The following KLHL4 variants were observed in gnomAD, a reference collection of about 807,000 sequenced individuals.
KLHL4 encodes kelch-like protein 4.
KLHL4 carries 17 observed loss-of-function variants against 45.8 expected under a neutral mutation model. That is an observed-to-expected ratio of 0.37 (90% confidence interval 0.25 to 0.56). KLHL4 has a LOEUF of 0.56. KLHL4 is among the 20% of genes least tolerant of loss of function. The pLI is 0.79. For synonymous variants in KLHL4, 224 were observed against 189.9 expected (o/e 1.18, Z -1.47); for missense variants, 544 against 544.9 (o/e 1.00, Z 0.02).
intron 5 of KLHL4, among the ~76,000 whole-genome samples, chrX:87,624,969 A>G (rs1445433548): frequency 3.6e-5 from 4 of 112,162 alleles, no homozygotes; most frequent in Non-Finnish European, 7.5e-5. Context: ...CATGACCACC[A>G]CTACCAACAC....
intron 1 of KLHL4, among the ~76,000 whole-genome samples, chrX:87,608,230 C>A (rs1200596122): frequency 1.8e-5 from 2 of 112,256 alleles, no homozygotes; most frequent in African/African-American, 3.2e-5. Context: ...TTGATTACTA[C>A]AATACACTTG....
At chrX:87,586,143 C>T (rs1158263718) in intron 1 of KLHL4, among the ~76,000 whole-genome samples, 1 of 110,970 alleles carries the variant, frequency 9.0e-6, no homozygotes, top group East Asian at 2.8e-4. Flanking sequence ...ATTGTTAGAG[C>T]TTAAGAGAGA....
intron 9 of KLHL4, among the ~76,000 whole-genome samples, chrX:87,639,239 C>T (rs1159033960): frequency 1.8e-5 from 2 of 111,053 alleles, no homozygotes; most frequent in Admixed American, 1.9e-4. Flanking sequence ...GACAGCAACA[C>T]AATAATAGTG....
chrX:87,632,379 A>T lies in KLHL4; in HGVS notation c.1494A>T (p.Pro498=), dbSNP rs1299111258. ...KTLNTVECFN[P]VGKIWTVMPP... ...TGAATACAGTGGAATGTTTTAATCC[A>T]GTTGGCAAAATCTGGACTGTGATGC... Residue 498 remains proline (P), a synonymous_variant, in exon 7 of 11, where the codon CCA becomes CCT. Coordinates refer to ENST00000373119, the MANE Select transcript of KLHL4 (RefSeq NM_019117.5). 1 of 1,209,212 alleles carries T rather than the reference A, an allele frequency of 8.3e-7. No homozygotes were observed. Among genetic ancestry groups the T allele is most frequent in the Admixed American group, 2.2e-5 (1 of 45,679 alleles).
chrX:87,645,918 G>A (rs1923615873), intron 9 of KLHL4, among the ~76,000 whole-genome samples: 1 of 110,967 alleles, frequency 9.0e-6, no homozygotes, highest in South Asian at 3.8e-4. Flanking sequence ...GTAGGAGGTA[G>A]CCAGGGATAA....
rs747309094 is a variant in KLHL4 at position 87,557,617 on chromosome X, A to T, written c.422+39302A>T. Among the ~76,000 whole-genome samples the T allele has an allele frequency of 9.1e-5, 10 of 109,738 alleles. No homozygotes were observed. The East Asian group carries it at 2.9e-3, about 32-fold the overall frequency. On this transcript the variant is annotated intron_variant, in intron 1 of 10. Coordinates refer to ENST00000373119, the MANE Select transcript of KLHL4 (RefSeq NM_019117.5). ...TGCTTACCAACCTAAAATGTTTATT[A>T]TTTTTTTTGCTTCAATCTTCTGTTT...
chrX:87,651,603 T>C (rs1490315897), intron 9 of KLHL4, among the ~76,000 whole-genome samples: 2 of 112,298 alleles, frequency 1.8e-5, no homozygotes, highest in African/African-American at 6.5e-5. Context: ...GGCAGTCAAA[T>C]CTTAAAGCTC....
chrX:87,570,790 C>T (rs753709558), intron 1 of KLHL4, among the ~76,000 whole-genome samples: 38 of 110,286 alleles, frequency 3.4e-4, no homozygotes, highest in Middle Eastern at 4.6e-3. Context: ...AATGTGAAGG[C>T]GAAGTGTATG....
At position 87,614,529 on chromosome X, in the gene KLHL4, A is replaced by G; in HGVS notation, c.686A>G (p.Asp229Gly). Reference protein sequence around the residue: ...KQEEVRMEGVDPNALNSLVQY... With the variant: ...KQEEVRMEGVGPNALNSLVQY... The stretch of plus-strand genomic sequence containing the variant: ...GAAGAGGTCAGGATGGAAGGAGTAG[A>G]TCCAAATGCACTAAATTCCTTGGTG... The change falls in exon 3 of 11, where the codon GAT becomes GGT. Residue 229 changes from aspartate to glycine, a missense_variant. Asp to Gly is a moderately conservative substitution (Grantham distance 94, BLOSUM62 -1). Transcript: ENST00000373119. The G allele has an allele frequency of 8.3e-7, 1 of 1,209,339 alleles. No individual in the cohort carries two copies. Among genetic ancestry groups the G allele is most frequent in the Non-Finnish European group, 1.1e-6 (1 of 893,968 alleles).
chrX:87,550,740 A>T (rs1931794322), intron 1 of KLHL4, among the ~76,000 whole-genome samples: 1 of 111,951 alleles, frequency 8.9e-6, no homozygotes, highest in African/African-American at 3.2e-5. Context: ...CATAAAAAGA[A>T]TTAAAAACAA....
intron 1 of KLHL4, among the ~76,000 whole-genome samples, chrX:87,556,312 C>T (rs1931971056): frequency 9.1e-6 from 1 of 109,975 alleles, no homozygotes; most frequent in African/African-American, 3.3e-5. Flanking sequence ...GAAAATGTGG[C>T]ACATATACAC....
chrX:87,650,241 A>G (rs1291141916), intron 9 of KLHL4, among the ~76,000 whole-genome samples: 1 of 110,991 alleles, frequency 9.0e-6, no homozygotes, highest in African/African-American at 3.3e-5. Flanking sequence ...GGCTACAGGC[A>G]TGTGCCACCA....
chrX:87,614,650 T>C lies in KLHL4; in HGVS notation c.727+80T>C, dbSNP rs1006795578. 3 of 871,415 alleles carry C rather than the reference T, an allele frequency of 3.4e-6. No homozygotes were observed. The Middle Eastern group carries it at 8.6e-4, about 251-fold the overall frequency. 71.8% of individuals were successfully genotyped at this position (871,415 alleles called of 1,213,427 possible). On this transcript the variant is annotated intron_variant, in intron 3 of 10. Coordinates refer to ENST00000373119, the MANE Select transcript of KLHL4 (RefSeq NM_019117.5). ...TTATTAGTAGTAGTAGTAGTTATTA[T>C]TGCTACTAATACTACTACTATTCTT... is the stretch of plus-strand genomic sequence containing the variant.
chrX:87,553,859 C>T (rs966215771), intron 1 of KLHL4, among the ~76,000 whole-genome samples: 16 of 109,792 alleles, frequency 1.5e-4, no homozygotes, highest in African/African-American at 4.0e-4. Flanking sequence ...TTAGGTCTAA[C>T]GTTTAAGTCT....
intron 1 of KLHL4, among the ~76,000 whole-genome samples, chrX:87,519,988 A>T (rs1436119366): frequency 8.9e-6 from 1 of 112,328 alleles, no homozygotes; most frequent in East Asian, 2.8e-4. Flanking sequence ...CTTTGATTTT[A>T]TTCCTGACAT....
intron 4 of KLHL4, among the ~76,000 whole-genome samples, chrX:87,620,807 C>G (rs1416766784): frequency 8.9e-6 from 1 of 111,985 alleles, no homozygotes; most frequent in East Asian, 2.8e-4. Flanking sequence ...CAGACTAATT[C>G]CACTTTCTCA....
intron 1 of KLHL4, among the ~76,000 whole-genome samples, chrX:87,545,465 C>T (rs997741291): frequency 9.2e-6 from 1 of 108,178 alleles, no homozygotes; most frequent in African/African-American, 3.4e-5. Flanking sequence ...TCGCCTGCTG[C>T]CATGTAAGAC....
intron 1 of KLHL4, among the ~76,000 whole-genome samples, chrX:87,576,592 G>T (rs1207629948): frequency 9.0e-6 from 1 of 111,635 alleles, no homozygotes; most frequent in Non-Finnish European, 1.9e-5. Flanking sequence ...TACAATTGAT[G>T]ATTTATATGG....
chrX:87,610,572 C>A (rs1171014310), intron 1 of KLHL4, among the ~76,000 whole-genome samples: 1 of 111,381 alleles, frequency 9.0e-6, no homozygotes. Flanking sequence ...CTGAACATTT[C>A]TGCATTTAGA....
Sources: allele counts gnomAD v4.1 joint callset (sites outside exome capture counted in the v4.1 genomes callset), GRCh38; gene constraint gnomAD v4.1.1; transcripts MANE v1.5; gene names NCBI Gene and HGNC (gene_info 2026-07-23, HGNC 2026-07-21).